SYNGR4: variants seen among roughly 807,000 people sequenced by gnomAD.
The protein encoded by SYNGR4 is synaptogyrin 4.
SYNGR4 carries 15 observed loss-of-function variants against 15.5 expected under a neutral mutation model. That is an observed-to-expected ratio of 0.97 (90% CI 0.65 to 1.49). The LOEUF (loss-of-function observed/expected upper bound fraction) is 1.49, where lower values mean the gene tolerates loss of function less well. Among genes scored for constraint, SYNGR4 ranks in the 40% most tolerant of loss-of-function variants. SYNGR4 has a pLI of 0.00. For missense variants in SYNGR4, 292 were observed against 299.3 expected (o/e 0.98, Z 0.18); for synonymous variants, 121 against 127.4 (o/e 0.95, Z 0.34).
intron 1 of SYNGR4, among the ~76,000 whole-genome samples, chr19:48,365,141 G>T: frequency 6.8e-6 from 1 of 146,308 alleles, no homozygotes; most frequent in Non-Finnish European, 1.5e-5. Context: ...CTCTCATCCT[G>T]CACCTCCACC....
In SYNGR4 at chr19:48,376,098, A is replaced by G. The variant is rs1307655126; in HGVS notation, c.485A>G (p.Tyr162Cys). 2 of 1,614,036 alleles carry G rather than the reference A, an allele frequency of 1.2e-6. No homozygotes were observed. Among genetic ancestry groups the G allele is most frequent in the Non-Finnish European group, 1.7e-6 (2 of 1,179,982 alleles). Residue 162 changes from tyrosine (Y) to cysteine (C), a missense_variant, in exon 5 of 5, where the codon TAC becomes TGC. By Grantham distance (194) the Tyr-to-Cys change is radical. Transcript: ENST00000344846. ...TTCTGCCCACAGATATTCCAGGCCTACCTGGCATTCCAGGACCTCCGAAAT... is the reference window on the plus strand; with the variant it reads ...TTCTGCCCACAGATATTCCAGGCCTGCCTGGCATTCCAGGACCTCCGAAAT... ...FSILVWIFQA[Y>C]LAFQDLRNDA...
In SYNGR4 at chr19:48,376,104, C is replaced by T; in HGVS notation, c.491C>T (p.Ala164Val). ...ILVWIFQAYL[A>V]FQDLRNDAPV... ...CCACAGATATTCCAGGCCTACCTGG[C>T]ATTCCAGGACCTCCGAAATGATGCT... The change falls in exon 5 of 5, where the codon GCA (alanine) becomes GTA (valine). Residue 164 changes from alanine (A) to valine (V), a missense_variant. By Grantham distance (64) the Ala-to-Val change is moderately conservative. Transcript: ENST00000344846. The T allele has an allele frequency of 6.2e-7, 1 of 1,614,116 alleles. No individual in the cohort carries two copies. The highest frequency in any genetic ancestry group is 8.5e-7 in the Non-Finnish European group (1 of 1,180,004).
At chr19:48,373,468 C>T (rs1970342248) in intron 2 of SYNGR4, 49 bp from the exon 3 acceptor site, 2 of 1,514,294 alleles carry the variant, frequency 1.3e-6, no homozygotes, top group Middle Eastern at 1.7e-4. Context: ...GAAGGAGGAG[C>T]AGCTTCAGGG....
At chr19:48,369,458 C>T (rs1266230016) in intron 2 of SYNGR4, among the ~76,000 whole-genome samples, 3 of 152,168 alleles carry the variant, frequency 2.0e-5, no homozygotes, top group Non-Finnish European at 2.9e-5. Flanking sequence ...TCACCACTTA[C>T]TGACCTTGAG....
intron 2 of SYNGR4, among the ~76,000 whole-genome samples, chr19:48,366,448 G>A (rs948095191): frequency 4.6e-5 from 7 of 151,856 alleles, no homozygotes; most frequent in African/African-American, 1.5e-4. Context: ...TGCCCAGGCT[G>A]GAGTGCAAAA....
chr19:48,364,931 C>T lies in SYNGR4; in HGVS notation c.-108+394C>T, dbSNP rs563727084. On this transcript the variant is annotated intron_variant, in intron 1 of 4. Transcript: ENST00000344846. ...ATCCCAGCCCTCCCCTGCACTCCACCTCTGGGATCCCTGACAGCCCTCTCG... is the reference window on the plus strand; with the variant it reads ...ATCCCAGCCCTCCCCTGCACTCCACTTCTGGGATCCCTGACAGCCCTCTCG... Among the ~76,000 whole-genome samples, 4 of 151,938 alleles carry T rather than the reference C, an allele frequency of 2.6e-5. No individual in the cohort carries two copies. The South Asian group carries it at 6.2e-4, about 24-fold the overall frequency.
chr19:48,365,160 C>T (rs897199793), intron 1 of SYNGR4, among the ~76,000 whole-genome samples: 1 of 151,048 alleles, frequency 6.6e-6, no homozygotes, highest in Non-Finnish European at 1.5e-5. Context: ...CCTCTGTGAC[C>T]CCTGGCAGCC....
In SYNGR4 at chr19:48,373,510, T is replaced by C; in HGVS notation, c.94-7T>C. ...TGAGCTCTTCTCTGGCCCCTGGAAATCCACAGGTCTTCTCCCTGATCGTCT... is the reference window on the plus strand; with the variant it reads ...TGAGCTCTTCTCTGGCCCCTGGAAACCCACAGGTCTTCTCCCTGATCGTCT... On this transcript the variant is annotated splice_region_variant and splice_polypyrimidine_tract_variant and intron_variant, in intron 2 of 4. Transcript: ENST00000344846. 2 of 1,611,712 alleles carry C rather than the reference T, an allele frequency of 1.2e-6. No individual in the cohort carries two copies. Among genetic ancestry groups the C allele is most frequent in the South Asian group, 2.2e-5 (2 of 91,064 alleles).
At chr19:48,375,373 G>A (rs1206630577) in intron 3 of SYNGR4, among the ~76,000 whole-genome samples, 2 of 152,100 alleles carry the variant, frequency 1.3e-5, no homozygotes, top group Non-Finnish European at 2.9e-5. Flanking sequence ...GCATGAGGCC[G>A]GCGGCTCCTG....
intron 2 of SYNGR4, 124 bp downstream of exon 2, chr19:48,366,059 A>G (rs1970216269): frequency 2.0e-6 from 2 of 991,508 alleles, no homozygotes; most frequent in Admixed American, 2.2e-5. Context: ...AAGACAACGG[A>G]GCAAATGCTG....
intron 3 of SYNGR4, among the ~76,000 whole-genome samples, chr19:48,374,956 A>T (rs531906958): frequency 3.5e-5 from 5 of 143,564 alleles, no homozygotes; most frequent in African/African-American, 7.9e-5. Context: ...AGCCTCGGCA[A>T]CAGAGCGAGA....
chr19:48,366,443 A>G (rs909896683), intron 2 of SYNGR4, among the ~76,000 whole-genome samples: 26 of 151,404 alleles, frequency 1.7e-4, no homozygotes, highest in Admixed American at 4.6e-4. Flanking sequence ...TCTGTTGCCC[A>G]GGCTGGAGTG....
chr19:48,371,482 C>T (rs948602244), intron 2 of SYNGR4, among the ~76,000 whole-genome samples: 8 of 152,150 alleles, frequency 5.3e-5, no homozygotes, highest in Admixed American at 3.9e-4. Context: ...CCTCAAGGCG[C>T]GTGGTCCAGT....
chr19:48,373,279 G>A lies in SYNGR4; in HGVS notation c.94-238G>A, dbSNP rs542788334. 34 of 540,690 alleles carry A rather than the reference G, an allele frequency of 6.3e-5. No homozygotes were observed. In the East Asian group the frequency reaches 9.7e-4, roughly 15 times the overall value. 33.5% of individuals were successfully genotyped at this position (540,690 alleles called of 1,614,324 possible). A position where few individuals can be genotyped will look rare whatever the true frequency, so the allele number is the denominator to read the frequency against. ...CTGAGGTGGGGAAGACTGGAGGTGG[G>A]GAGGCTGGGAGGAGGCTGGGGCAAG... On this transcript the variant is annotated intron_variant, in intron 2 of 4. Transcript: ENST00000344846.
chr19:48,365,589 T>G (rs1970197559), intron 1 of SYNGR4, 147 bp from the exon 2 acceptor site: 2 of 489,524 alleles, frequency 4.1e-6, no homozygotes, highest in East Asian at 3.7e-5. Flanking sequence ...CCCTGACTCC[T>G]AAGAGGCTCA....
At chr19:48,370,983 C>T (rs1970296076) in intron 2 of SYNGR4, among the ~76,000 whole-genome samples, 1 of 152,170 alleles carries the variant, frequency 6.6e-6, no homozygotes, top group Admixed American at 6.6e-5. Flanking sequence ...CCAAGGCTGA[C>T]CCCAGCTGTC....
At chr19:48,368,691 T>C (rs1230867796) in intron 2 of SYNGR4, among the ~76,000 whole-genome samples, 1 of 150,612 alleles carries the variant, frequency 6.6e-6, no homozygotes, top group Admixed American at 6.6e-5. Context: ...TAAATAGTGA[T>C]TATTATCAAA....
intron 2 of SYNGR4, among the ~76,000 whole-genome samples, chr19:48,372,418 G>A (rs1970322303): frequency 6.6e-6 from 1 of 152,058 alleles, no homozygotes; most frequent in East Asian, 1.9e-4. Flanking sequence ...GGCCAAGGCA[G>A]GCGGATCACG....
chr19:48,365,704 G>T (rs148142301), intron 1 of SYNGR4, 32 bp from the exon 2 acceptor site: 10,514 of 486,368 alleles, frequency 0.022, 113 homozygotes, highest in Middle Eastern at 0.035. Context: ...CCGTGCCCCT[G>T]ACTGGCATCC....
Sources: gnomAD v4.1 joint callset for allele counts (sites outside exome capture counted in the v4.1 genomes callset) on GRCh38, gnomAD v4.1.1 for gene constraint, MANE v1.5 for transcripts, NCBI Gene and HGNC (gene_info 2026-07-23, HGNC 2026-07-21) for gene names.